Variants in CAMTA1 observed in about 807,000 individuals in gnomAD.
The protein encoded by CAMTA1 is calmodulin-binding transcription activator 1.
In CAMTA1, 27 loss-of-function variants were observed where a neutral mutation model predicts 170.9. That is an observed-to-expected ratio of 0.16 (90% CI 0.12 to 0.22). CAMTA1 has a LOEUF of 0.22. CAMTA1 is among the 10% of genes least tolerant of loss of function. The probability of loss-of-function intolerance (pLI) is 1.00; values close to 1 mark genes in which losing one functional copy is unlikely to be tolerated. For synonymous variants in CAMTA1, 833 were observed against 891.5 expected (o/e 0.93, Z 1.17); for missense variants, 1,619 against 2,217.2 (o/e 0.73, Z 5.42).
chr1:7,148,645 G>A lies in CAMTA1; in HGVS notation c.302+57274G>A, dbSNP rs866506470. On this transcript the variant is annotated intron_variant, in intron 4 of 22. Transcript: ENST00000303635. ...TGGATGTGGCCAGCCGGCCCATTCA[G>A]TCCAAGTGCCCAGGAGCCCAGTGTG... Among the ~76,000 whole-genome samples, 26 of 152,318 alleles carry A rather than the reference G, an allele frequency of 1.7e-4. No homozygotes were observed. In the South Asian group the frequency reaches 4.1e-3, roughly 24 times the overall value.
intron 6 of CAMTA1, among the ~76,000 whole-genome samples, chr1:7,511,406 G>A (rs2094200039): frequency 1.8e-5 from 2 of 110,984 alleles, no homozygotes; most frequent in African/African-American, 2.8e-5. Flanking sequence ...GCATCTTTGT[G>A]GCATTTAAGC....
At position 7,426,629 on chromosome 1, in the gene CAMTA1, T is replaced by C. The variant is rs58579511; in HGVS notation, c.439-41201T>C. On this transcript the variant is annotated intron_variant, in intron 5 of 22. Transcript: ENST00000303635. This position sits in a 1 kb window ranked among gnomAD's most constrained non-coding sequence, Gnocchi z 4.8. The stretch of plus-strand genomic sequence containing the variant: ...TCAGCCTGGCTCAGAGCTTCTGTGA[T>C]TGGGGGCTGATGGCGACTGTGCAAA... Among the ~76,000 whole-genome samples the C allele has an allele frequency of 0.047, 7,168 of 151,976 alleles. 407 individuals are homozygous for C. Among genetic ancestry groups the C allele is most frequent in the African/African-American group, 0.14 (5,653 of 41,394 alleles).
chr1:6,984,763 A>G (rs894978102), intron 3 of CAMTA1, among the ~76,000 whole-genome samples: 15 of 152,282 alleles, frequency 9.9e-5, no homozygotes, highest in African/African-American at 3.6e-4. Flanking sequence ...TCAGCTGCCG[A>G]TGGCTGGGTT....
At chr1:6,908,845 C>T (rs984727633) in intron 3 of CAMTA1, among the ~76,000 whole-genome samples, 1 of 152,198 alleles carries the variant, frequency 6.6e-6, no homozygotes, top group Admixed American at 6.5e-5. Context: ...CAGTTCTCCA[C>T]CAGGAGTTGT....
At chr1:7,212,226 CTCT>C (rs1658904579) in intron 4 of CAMTA1, among the ~76,000 whole-genome samples, 1 of 152,116 alleles carries the variant, frequency 6.6e-6, no homozygotes, top group African/African-American at 2.4e-5. Context: ...TATAATTAGG[CTCT>C]TTTGTTTTTT....
At chr1:7,491,519 G>A (rs1235507924) in intron 6 of CAMTA1, among the ~76,000 whole-genome samples, 36 of 152,224 alleles carry the variant, frequency 2.4e-4, no homozygotes, top group Admixed American at 2.4e-3. Context: ...GGCTTGGCGT[G>A]CATTGTTTTG....
intron 5 of CAMTA1, among the ~76,000 whole-genome samples, chr1:7,288,442 A>G (rs1672654485): frequency 6.6e-6 from 1 of 152,232 alleles, no homozygotes; most frequent in Admixed American, 6.5e-5. Flanking sequence ...CCCAAAGGAT[A>G]CTTAGTGAAC....
chr1:7,001,982 C>T (rs573916219), intron 3 of CAMTA1, among the ~76,000 whole-genome samples: 67 of 151,212 alleles, frequency 4.4e-4, no homozygotes, highest in Admixed American at 2.8e-3. Flanking sequence ...CTGCAACCTC[C>T]GCCTCCCAGG....
intron 6 of CAMTA1, among the ~76,000 whole-genome samples, chr1:7,506,934 T>C (rs1557837595): frequency 6.6e-6 from 1 of 151,688 alleles, no homozygotes; most frequent in Non-Finnish European, 1.5e-5. Flanking sequence ...CACACTTATG[T>C]ACTCACAATC....
At chr1:7,383,885 A>T (rs188468089) in intron 5 of CAMTA1, among the ~76,000 whole-genome samples, 1 of 152,102 alleles carries the variant, frequency 6.6e-6, no homozygotes, top group African/African-American at 2.4e-5. Flanking sequence ...TGCCAATGAC[A>T]CCCTCGGTGC....
intron 4 of CAMTA1, among the ~76,000 whole-genome samples, chr1:7,244,016 T>C (rs2149272815): frequency 6.6e-6 from 1 of 152,146 alleles, no homozygotes; most frequent in South Asian, 2.1e-4. Flanking sequence ...ATATCCAGAA[T>C]CTACAATGAA....
chr1:7,578,124 C>T (rs1202499299), intron 6 of CAMTA1, among the ~76,000 whole-genome samples: 2 of 152,058 alleles, frequency 1.3e-5, no homozygotes, highest in African/African-American at 4.8e-5. Context: ...CCCTGATTTC[C>T]GAGAGGACCT....
intron 6 of CAMTA1, among the ~76,000 whole-genome samples, chr1:7,523,488 G>T (rs1400374383): frequency 6.6e-6 from 1 of 152,224 alleles, no homozygotes; most frequent in Non-Finnish European, 1.5e-5. Context: ...AAAGGTATGT[G>T]TCTCTTCATG....
In CAMTA1 at chr1:7,124,537, C is replaced by G. The variant is rs1340965933; in HGVS notation, c.302+33166C>G. Among the ~76,000 whole-genome samples, 7 of 152,244 alleles carry G rather than the reference C, an allele frequency of 4.6e-5. 1 individual carries two copies. The highest frequency in any genetic ancestry group is 1.3e-4 in the Admixed American group (2 of 15,288). On this transcript the variant is annotated intron_variant, in intron 4 of 22. Coordinates refer to ENST00000303635, the MANE Select transcript of CAMTA1 (RefSeq NM_015215.4). ...AACTCGTGCCCTAGACGCTTATCCT[C>G]TATCTGCCCCTCGCTTGACTATAAA...
chr1:7,103,916 A>T (rs1643206584), intron 4 of CAMTA1, among the ~76,000 whole-genome samples: 1 of 149,716 alleles, frequency 6.7e-6, no homozygotes, highest in South Asian at 2.1e-4. Flanking sequence ...ACGCGCACTC[A>T]CACATACACA....
intron 9 of CAMTA1, among the ~76,000 whole-genome samples, chr1:7,668,169 G>A (rs986672954): frequency 4.6e-5 from 7 of 152,148 alleles, no homozygotes; most frequent in African/African-American, 1.4e-4. Context: ...AGGCAGGCTC[G>A]TCGGCCTGGG....
chr1:7,448,778 A>G lies in CAMTA1; in HGVS notation c.439-19052A>G, dbSNP rs376056554. ...CATGCACAAGGGCTCTGTCCCCATGACTTCATCACTTCCCAAAGGCCCCAC... is the reference window on the plus strand; with the variant it reads ...CATGCACAAGGGCTCTGTCCCCATGGCTTCATCACTTCCCAAAGGCCCCAC... On this transcript the variant is annotated intron_variant, in intron 5 of 22. Transcript: ENST00000303635. Among the ~76,000 whole-genome samples, 21 of 152,218 alleles carry G rather than the reference A, an allele frequency of 1.4e-4. 2 individuals are homozygous for G. The South Asian group carries it at 3.7e-3, about 27-fold the overall frequency.
At position 7,570,410 on chromosome 1, in the gene CAMTA1, G is replaced by A. The variant is rs1431692144; in HGVS notation, c.511-69990G>A. ...GAAGGGTGGAGGGAGGAAGCACGGGGAGGAGGAAGCCAGGGGCAAACCCGG... is the reference window on the plus strand; with the variant it reads ...GAAGGGTGGAGGGAGGAAGCACGGGAAGGAGGAAGCCAGGGGCAAACCCGG... On this transcript the variant is annotated intron_variant, in intron 6 of 22. Coordinates refer to ENST00000303635, the MANE Select transcript of CAMTA1 (RefSeq NM_015215.4). This position sits in a 1 kb window ranked among gnomAD's most constrained non-coding sequence, Gnocchi z 4.3. Among the ~76,000 whole-genome samples the A allele has an allele frequency of 6.6e-6, 1 of 152,248 alleles. No homozygotes were observed. Among genetic ancestry groups the A allele is most frequent in the Non-Finnish European group, 1.5e-5 (1 of 68,040 alleles).
chr1:7,730,267 T>C (rs1192422427), intron 11 of CAMTA1, among the ~76,000 whole-genome samples: 1 of 152,232 alleles, frequency 6.6e-6, no homozygotes, highest in Non-Finnish European at 1.5e-5. Flanking sequence ...TTCACTGGTC[T>C]GACTCCTGCA....
Sources: allele counts gnomAD v4.1 joint callset (sites outside exome capture counted in the v4.1 genomes callset), GRCh38; gene constraint gnomAD v4.1.1; non-coding constraint Gnocchi (gnomAD v3.1); transcripts MANE v1.5; gene names NCBI Gene and HGNC (gene_info 2026-07-23, HGNC 2026-07-21).